The following TULP4 variants were observed in gnomAD, a reference collection of about 807,000 sequenced individuals.
TULP4 encodes TUB like protein 4, also known as tubby-related protein 4.
A neutral mutation model predicts 129.0 loss-of-function variants in TULP4; 16 were observed. The observed-to-expected ratio is 0.12, with a 90% CI of 0.08 to 0.19. TULP4 has a LOEUF of 0.19. Ranked by LOEUF, TULP4 falls within the 10% of genes least tolerant of loss-of-function variation. The probability of loss-of-function intolerance (pLI) is 1.00; values close to 1 mark genes in which losing one functional copy is unlikely to be tolerated. For synonymous variants in TULP4, 998 were observed against 854.0 expected, an observed-to-expected ratio of 1.17 and a Z score of -2.94; for missense variants, 1,842 against 2,059.1, an observed-to-expected ratio of 0.89 and a Z score of 2.04.
At chr6:158,348,547 A>G (rs1562529375) in intron 1 of TULP4, among the ~76,000 whole-genome samples, 1 of 152,222 alleles carries the variant, frequency 6.6e-6, no homozygotes, top group Admixed American at 6.5e-5. Context: ...TTGGTACAGA[A>G]CAAAATGGAG....
chr6:158,241,441 C>T (rs1777907821), intron 1 of TULP4, among the ~76,000 whole-genome samples: 1 of 149,458 alleles, frequency 6.7e-6, no homozygotes, highest in African/African-American at 2.4e-5. Flanking sequence ...CCACTGCACT[C>T]CAGCCTGGGC....
At chr6:158,486,618 C>T (rs1431332896) in intron 8 of TULP4, among the ~76,000 whole-genome samples, 1 of 152,046 alleles carries the variant, frequency 6.6e-6, no homozygotes, top group Non-Finnish European at 1.5e-5. Flanking sequence ...ACCTGCAAGC[C>T]AGGAAGACAG....
chr6:158,502,382 A>G lies in TULP4; in HGVS notation c.2719A>G (p.Met907Val). The stretch of plus-strand genomic sequence containing the variant: ...GGAGGTGTGCCGGCCCCGCACCCGG[A>G]TGCTGTGCTCCCAGAACACGTACAC... ...VEEVCRPRTR[M>V]LCSQNTYTLP... The change falls in exon 13 of 14, where the codon ATG becomes GTG. Residue 907 changes from methionine (M) to valine (V), a missense_variant. Around this residue, in one of 5 missense-constraint regions of TULP4, gnomAD observed 1,089 missense variants for 987.1 expected, o/e 1.10. Transcript: ENST00000367097. 6.2e-7 allele frequency: 1 copy of G among 1,613,680 alleles called. No individual in the cohort carries two copies. The highest frequency in any genetic ancestry group is 1.1e-5 in the South Asian group (1 of 91,054).
At chr6:158,250,417 A>C (rs1486827363) in intron 1 of TULP4, among the ~76,000 whole-genome samples, 1 of 152,178 alleles carries the variant, frequency 6.6e-6, no homozygotes, top group Non-Finnish European at 1.5e-5. Context: ...TGGCCTCCCA[A>C]AGTGCTGGGA....
intron 1 of TULP4, among the ~76,000 whole-genome samples, chr6:158,335,209 AG>A (rs950739692): frequency 3.3e-5 from 5 of 151,366 alleles, no homozygotes; most frequent in Admixed American, 2.6e-4. Flanking sequence ...CCCGGGAGGC[AG>A]AGGTTGCAGT....
intron 2 of TULP4, among the ~76,000 whole-genome samples, chr6:158,414,782 G>C (rs1432069699): frequency 1.3e-5 from 2 of 152,224 alleles, no homozygotes; most frequent in East Asian, 3.8e-4. Context: ...CTCAGAAAAG[G>C]AAATGGAAGG....
chr6:158,380,910 A>AAAAAAAAAAGAAG (rs779845034), intron 1 of TULP4, among the ~76,000 whole-genome samples: 4 of 135,046 alleles, frequency 3.0e-5, no homozygotes, highest in Non-Finnish European at 6.5e-5. Flanking sequence ...AAAAAAAAAA[A>AAAAAAAAAAGAAG]AAGAAGAAGA....
chr6:158,309,940 G>A (rs139332318), upstream of TULP4, among the ~76,000 whole-genome samples: 421 of 149,446 alleles, frequency 2.8e-3, 1 homozygote, highest in Middle Eastern at 0.021. Flanking sequence ...GGGAGAGGGA[G>A]AGGGAGCTCA....
rs555835677 is a variant in TULP4 at position 158,483,300 on chromosome 6, C to T, written c.1486+2011C>T. 1.2e-3 allele frequency among the ~76,000 whole-genome samples: 189 copies of T among 152,266 alleles called. 2 individuals carry two copies. Among genetic ancestry groups the T allele is most frequent in the Admixed American group, 3.2e-3 (49 of 15,290 alleles). On this transcript the variant is annotated intron_variant, in intron 8 of 13. Transcript: ENST00000367097. ...CTATTTCAGAGGTGGAAAAGAGTCC[C>T]TGACATTGAGAAAACAGGAATTTCT...
intron 13 of TULP4, among the ~76,000 whole-genome samples, chr6:158,504,585 T>G (rs1373145787): frequency 6.6e-6 from 1 of 151,686 alleles, no homozygotes; most frequent in Non-Finnish European, 1.5e-5. Context: ...CTCGATCTCC[T>G]GACCTCGTGA....
chr6:158,506,668 G>A lies in TULP4; in HGVS notation c.4606G>A (p.Ala1536Thr). 6.2e-7 allele frequency: 1 copy of A among 1,613,340 alleles called. No individual in the cohort carries two copies. Among genetic ancestry groups the A allele is most frequent in the Non-Finnish European group, 8.5e-7 (1 of 1,179,284 alleles). The part of the protein sequence containing the change: ...SAVQAFAVAL[A>T]NVTQRLK Reference sequence around the variant, plus strand: ...CGTGCAGGCCTTTGCAGTTGCCCTGGCCAACGTGACTCAGCGCCTCAAATG... The same window carrying A: ...CGTGCAGGCCTTTGCAGTTGCCCTGACCAACGTGACTCAGCGCCTCAAATG... Residue 1536 changes from alanine to threonine, a missense_variant, in exon 14 of 14, where the codon GCC (alanine) becomes ACC (threonine). Ala to Thr is a moderately conservative substitution (Grantham distance 58). Coordinates refer to ENST00000367097, the MANE Select transcript of TULP4 (RefSeq NM_020245.5).
chr6:158,438,704 C>T (rs1035878947), intron 3 of TULP4, among the ~76,000 whole-genome samples: 13 of 152,150 alleles, frequency 8.5e-5, no homozygotes, highest in Non-Finnish European at 1.8e-4. Context: ...CCTACCTCAG[C>T]CTCCTGAGTA....
At chr6:158,347,909 GAAAA>G (rs914764529) in intron 1 of TULP4, among the ~76,000 whole-genome samples, 1 of 148,380 alleles carries the variant, frequency 6.7e-6, no homozygotes, top group South Asian at 2.1e-4. Flanking sequence ...TTTTGGATGA[GAAAA>G]AAAAAGAATC....
intron 6 of TULP4, among the ~76,000 whole-genome samples, chr6:158,478,672 A>T (rs1217346952): frequency 1.3e-5 from 2 of 152,172 alleles, no homozygotes; most frequent in Non-Finnish European, 2.9e-5. Flanking sequence ...CTCCTGTGGT[A>T]GAAAGGGAAG....
intron 3 of TULP4, among the ~76,000 whole-genome samples, chr6:158,439,957 C>T (rs1014313228): frequency 4.6e-5 from 7 of 151,416 alleles, no homozygotes; most frequent in Non-Finnish European, 1.0e-4. Context: ...GTGATCTGCC[C>T]GCCTCAGCCT....
In TULP4 at chr6:158,505,554, T is replaced by C. The variant is rs1780581146; in HGVS notation, c.4516-1024T>C. On this transcript the variant is annotated intron_variant, in intron 13 of 13. Transcript: ENST00000367097. ...GAAAGTGCGTCAGCCCCTGCTATAGTGCTAGGATCAGGGCAGTGAGGAAGA... is the reference window on the plus strand; with the variant it reads ...GAAAGTGCGTCAGCCCCTGCTATAGCGCTAGGATCAGGGCAGTGAGGAAGA... 2.0e-5 allele frequency among the ~76,000 whole-genome samples: 3 copies of C among 152,366 alleles called. No homozygotes were observed. In the South Asian group the frequency reaches 6.2e-4, roughly 32 times the overall value.
intron 6 of TULP4, among the ~76,000 whole-genome samples, chr6:158,477,811 G>A (rs888244088): frequency 6.6e-6 from 1 of 152,218 alleles, no homozygotes; most frequent in African/African-American, 2.4e-5. Flanking sequence ...GCATGCATAT[G>A]TTCATTGCAG....
In TULP4 at chr6:158,247,914, G is replaced by A. The variant is rs148682439; in HGVS notation, n.68+15611G>A. On this transcript the variant is annotated intron_variant and non_coding_transcript_variant, in intron 1 of 1. Coordinates refer to the TULP4 transcript ENST00000620026. ...AAAATATACAGGATTATCTTTACAC[G>A]TAATCAGTTTCTTAAGCTTCAAATG... is the stretch of plus-strand genomic sequence containing the variant. Among the ~76,000 whole-genome samples the A allele has an allele frequency of 2.4e-4, 37 of 152,270 alleles. No homozygotes were observed. The East Asian group carries it at 5.6e-3, about 23-fold the overall frequency.
intron 1 of TULP4, among the ~76,000 whole-genome samples, chr6:158,294,027 G>T (rs1403903397): frequency 1.3e-5 from 2 of 152,132 alleles, no homozygotes; most frequent in African/African-American, 4.8e-5. Context: ...AATATTTGTA[G>T]GTTCTGGAAA....
Sources: allele counts gnomAD v4.1 joint callset (sites outside exome capture counted in the v4.1 genomes callset), GRCh38; gene constraint gnomAD v4.1.1; regional missense constraint gnomAD v4.1.1; transcripts MANE v1.5; gene names NCBI Gene and HGNC (gene_info 2026-07-23, HGNC 2026-07-21).